SUPT3H: variants seen among roughly 807,000 people sequenced by gnomAD.
SUPT3H encodes the protein SPT3 homolog, SAGA and STAGA complex component, also known as transcription initiation protein SPT3 homolog.
SUPT3H carries 44 observed loss-of-function variants against 44.3 expected under a neutral mutation model. The observed-to-expected ratio is 0.99, with a 90% CI of 0.78 to 1.28. The LOEUF (loss-of-function observed/expected upper bound fraction) is 1.28, where lower values mean the gene tolerates loss of function less well. SUPT3H is among the 50% of genes most tolerant of loss of function. The pLI, the probability that SUPT3H is intolerant of heterozygous loss-of-function variation, is 0.00. For synonymous variants in SUPT3H, 124 were observed against 125.6 expected, an observed-to-expected ratio of 0.99 and a Z score of 0.09; for missense variants, 380 against 387.1, an observed-to-expected ratio of 0.98 and a Z score of 0.15.
chr6:45,185,670 T>C (rs893361616), intron 2 of SUPT3H, among the ~76,000 whole-genome samples: 3 of 152,226 alleles, frequency 2.0e-5, no homozygotes, highest in Non-Finnish European at 2.9e-5. Context: ...GTTCCCCCAG[T>C]AAAGCCCCAG....
intron 2 of SUPT3H, among the ~76,000 whole-genome samples, chr6:45,271,572 C>T (rs1374580792): frequency 2.0e-5 from 3 of 152,152 alleles, no homozygotes; most frequent in Non-Finnish European, 1.5e-5. Context: ...CATGGTAATG[C>T]CTGGATACCC....
chr6:45,202,923 T>C (rs1183414381), intron 2 of SUPT3H, among the ~76,000 whole-genome samples: 1 of 152,046 alleles, frequency 6.6e-6, no homozygotes, highest in African/African-American at 2.4e-5. Flanking sequence ...TGTGTGTATA[T>C]ATATATAAAT....
chr6:45,369,578 C>T (rs1481961292), intron 1 of SUPT3H, among the ~76,000 whole-genome samples: 5 of 152,224 alleles, frequency 3.3e-5, no homozygotes, highest in African/African-American at 4.8e-5. Flanking sequence ...CCACCAAAGA[C>T]AGTGTATCGT....
rs1277454745 is a variant in SUPT3H, at chr6:44,888,893, A to C, written c.912+43760T>G. The stretch of plus-strand genomic sequence containing the variant: ...CATCGTCTCAGCCCAAAATCTCCTT[A>C]AGCTGATAAGCGACTTCAGCAAAGT... On this transcript the variant is annotated intron_variant, in intron 10 of 10. Coordinates refer to ENST00000371459, the MANE Select transcript of SUPT3H (RefSeq NM_003599.4). Among the ~76,000 whole-genome samples, 3 of 130,412 alleles carry C rather than the reference A, an allele frequency of 2.3e-5. No individual in the cohort carries two copies. The East Asian group carries it at 6.7e-4, about 29-fold the overall frequency. The allele number at this position is 130,412 out of a possible 152,430, so 85.6% of individuals were successfully genotyped here.
chr6:45,249,100 C>T (rs547711079), intron 2 of SUPT3H, among the ~76,000 whole-genome samples: 16 of 151,722 alleles, frequency 1.1e-4, no homozygotes, highest in East Asian at 3.9e-4. Context: ...TTTTTAGCAA[C>T]AAAAAAAGGA....
At chr6:45,209,380 C>T (rs1170435345) in intron 2 of SUPT3H, among the ~76,000 whole-genome samples, 1 of 152,112 alleles carries the variant, frequency 6.6e-6, no homozygotes, top group Non-Finnish European at 1.5e-5. Context: ...ATTTGTGATT[C>T]ATGGGAGAAG....
At chr6:45,100,119 A>G (rs1461580562) in intron 3 of SUPT3H, among the ~76,000 whole-genome samples, 2 of 152,194 alleles carry the variant, frequency 1.3e-5, no homozygotes, top group Non-Finnish European at 2.9e-5. Flanking sequence ...AAATCTAAGA[A>G]CCAAAACTTT....
At chr6:45,098,991 C>A (rs1798172851) in intron 3 of SUPT3H, 2 of 404,260 alleles carry the variant, frequency 4.9e-6, no homozygotes, top group East Asian at 7.3e-5. Context: ...ACAGCCTATT[C>A]CAGCACTGCC....
At chr6:45,124,011 C>T (rs139229911) in intron 2 of SUPT3H, among the ~76,000 whole-genome samples, 184 of 152,232 alleles carry the variant, frequency 1.2e-3, no homozygotes, top group African/African-American at 4.1e-3. Flanking sequence ...ATGTTGATTT[C>T]GCCTTCAAGC....
intron 10 of SUPT3H, among the ~76,000 whole-genome samples, chr6:44,851,970 A>G (rs1166534008): frequency 2.0e-5 from 3 of 152,178 alleles, no homozygotes; most frequent in East Asian, 1.9e-4. Context: ...CCTTATTTAA[A>G]TAAGAGGGGC....
In SUPT3H at chr6:44,938,586, A is replaced by AT. The variant is rs1014043272; in HGVS notation, c.802-5824dup. ...TTTTTGGTTCCATATGAATTTTAGG[A>AT]TTTTTTTTTCTAATTCTGTAAAAGA... On this transcript the variant is annotated intron_variant, in intron 9 of 10. Transcript: ENST00000371459. 2.1e-4 allele frequency among the ~76,000 whole-genome samples: 31 copies of AT among 151,134 alleles called. No individual in the cohort carries two copies. The East Asian group carries it at 2.9e-3, about 14-fold the overall frequency.
chr6:44,903,536 T>A (rs573590232), intron 10 of SUPT3H, among the ~76,000 whole-genome samples: 12 of 152,112 alleles, frequency 7.9e-5, no homozygotes, highest in Non-Finnish European at 1.6e-4. Context: ...GAGGCAATAA[T>A]TAATAGCTTA....
At chr6:45,068,387 A>G (rs1257690205) in intron 3 of SUPT3H, among the ~76,000 whole-genome samples, 6 of 147,404 alleles carry the variant, frequency 4.1e-5, no homozygotes, top group Non-Finnish European at 9.0e-5. Context: ...TGGGTGCAGC[A>G]CACCAGCATG....
chr6:45,125,304 C>A (rs980906104), intron 2 of SUPT3H, among the ~76,000 whole-genome samples: 4 of 152,110 alleles, frequency 2.6e-5, no homozygotes, highest in African/African-American at 9.7e-5. Flanking sequence ...CCAAAATAAA[C>A]CATGAATTAT....
intron 2 of SUPT3H, among the ~76,000 whole-genome samples, chr6:45,286,635 C>T (rs1406583903): frequency 1.3e-5 from 2 of 152,190 alleles, no homozygotes; most frequent in East Asian, 3.8e-4. Flanking sequence ...CACTTTTACA[C>T]TGTTGGTGGG....
chr6:44,957,694 T>C (rs1274633646), intron 7 of SUPT3H, among the ~76,000 whole-genome samples: 1 of 151,750 alleles, frequency 6.6e-6, no homozygotes, highest in Non-Finnish European at 1.5e-5. Flanking sequence ...ACAAGGACCA[T>C]ATATCTCCAA....
At chr6:44,925,203 G>C (rs540304675) in intron 10 of SUPT3H, among the ~76,000 whole-genome samples, 6 of 152,226 alleles carry the variant, frequency 3.9e-5, no homozygotes, top group African/African-American at 1.4e-4. Context: ...AGTAATCTGA[G>C]AGTCAGGAGG....
chr6:45,062,531 G>T (rs1232557433), intron 3 of SUPT3H, among the ~76,000 whole-genome samples: 1 of 152,328 alleles, frequency 6.6e-6, no homozygotes, highest in East Asian at 1.9e-4. Flanking sequence ...GGTGATTTCT[G>T]CATTTCCATC....
chr6:45,203,830 C>G (rs1051184529), intron 2 of SUPT3H, among the ~76,000 whole-genome samples: 6 of 152,144 alleles, frequency 3.9e-5, no homozygotes, highest in Admixed American at 2.0e-4. Context: ...CAAGAAAGCC[C>G]CCCTTGACCA....
Sources: allele counts gnomAD v4.1 joint callset (sites outside exome capture counted in the v4.1 genomes callset), GRCh38; gene constraint gnomAD v4.1.1; transcripts MANE v1.5; gene names NCBI Gene and HGNC (gene_info 2026-07-23, HGNC 2026-07-21).